The following RELN variants were observed in gnomAD, a reference collection of about 807,000 sequenced individuals.
RELN encodes reelin.
A neutral mutation model predicts 427.6 loss-of-function variants in RELN; 108 were observed. That is an observed-to-expected ratio of 0.25 (90% CI 0.22 to 0.30). RELN has a LOEUF of 0.30. Among genes scored for constraint, RELN ranks in the 10% least tolerant of loss-of-function variants. The pLI, the probability that RELN is intolerant of heterozygous loss-of-function variation, is 1.00. For synonymous variants in RELN, 1,524 were observed against 1,513.4 expected, an observed-to-expected ratio of 1.01 and a Z score of -0.16; for missense variants, 3,715 against 4,302.8, an observed-to-expected ratio of 0.86 and a Z score of 3.82.
intron 2 of RELN, among the ~76,000 whole-genome samples, chr7:103,893,946 T>A (rs1167177637): frequency 5.3e-5 from 8 of 152,154 alleles, no homozygotes; most frequent in Admixed American, 2.6e-4. Context: ...TTCTCCTTCC[T>A]GTGTTCCTTG....
At chr7:103,911,920 G>T (rs1426552128) in intron 2 of RELN, among the ~76,000 whole-genome samples, 187 of 148,718 alleles carry the variant, frequency 1.3e-3, no homozygotes, top group African/African-American at 4.4e-3. Flanking sequence ...CGAGTTAGTG[G>T]GTGCAGCGCA....
chr7:103,667,270 T>G (rs899010847), intron 11 of RELN, among the ~76,000 whole-genome samples: 1 of 152,208 alleles, frequency 6.6e-6, no homozygotes, highest in South Asian at 2.1e-4. Context: ...AGGCTCTCAT[T>G]TAATTATGTC....
In RELN at chr7:103,698,071, T is replaced by A. The variant is rs1436557499; in HGVS notation, c.925A>T (p.Ile309Phe). The change falls in exon 10 of 65, where the codon ATC becomes TTC. Residue 309 changes from isoleucine to phenylalanine, a missense_variant. Physicochemically the swap from Ile to Phe is conservative, Grantham distance 21. Coordinates refer to ENST00000428762, the MANE Select transcript of RELN (RefSeq NM_005045.4). The stretch of plus-strand genomic sequence containing the variant: ...TCAGGAAGGTAGAGGATATGGATGA[T>A]TGTGCTGACATTGGAAGGGGCTCTG... ...KIRAPSNVST[I>F]IHILYLPEDA... 1.9e-6 allele frequency: 3 copies of A among 1,613,648 alleles called. No individual in the cohort carries two copies. Among genetic ancestry groups the A allele is most frequent in the East Asian group, 2.2e-5 (1 of 44,876 alleles).
chr7:103,621,408 T>C (rs1358779000), intron 20 of RELN, among the ~76,000 whole-genome samples: 2 of 152,220 alleles, frequency 1.3e-5, no homozygotes, highest in Admixed American at 1.3e-4. Flanking sequence ...TTTCTTCTCA[T>C]ATTTTTTAGA....
intron 1 of RELN, among the ~76,000 whole-genome samples, chr7:103,945,955 C>A (rs561915385): frequency 1.3e-5 from 2 of 152,242 alleles, no homozygotes; most frequent in African/African-American, 4.8e-5. Flanking sequence ...TTTGTAAGTG[C>A]CGTACACTCT....
intron 2 of RELN, among the ~76,000 whole-genome samples, chr7:103,837,813 G>A (rs1350380466): frequency 6.6e-6 from 1 of 152,068 alleles, no homozygotes; most frequent in Admixed American, 6.6e-5. Flanking sequence ...GTGGGACACC[G>A]CTTTTAATCT....
Position 103,682,142 on chromosome 7 carries a change from T to C in RELN, c.1263A>G (p.Ser421=). Residue 421 remains serine (S), a synonymous_variant, in exon 11 of 65, where the codon TCA becomes TCG. Coordinates refer to ENST00000428762, the MANE Select transcript of RELN (RefSeq NM_005045.4). ...LSTEDIQEQW[S]EEFESQPTGW... ...CTGTAGGCTGGCTCTCAAATTCTTCTGACCATTGCTCTTGAATATCTTCTG... is the reference window on the plus strand; with the variant it reads ...CTGTAGGCTGGCTCTCAAATTCTTCCGACCATTGCTCTTGAATATCTTCTG... The C allele has an allele frequency of 6.2e-7, 1 of 1,614,028 alleles. No homozygotes were observed. Among genetic ancestry groups the C allele is most frequent in the Non-Finnish European group, 8.5e-7 (1 of 1,179,916 alleles).
rs28461370 is a variant in RELN at position 103,898,330 on chromosome 7, T to G, written c.337+18745A>C. Among the ~76,000 whole-genome samples, 894 of 152,232 alleles carry G rather than the reference T, an allele frequency of 5.9e-3. 10 individuals carry two copies. Among genetic ancestry groups the G allele is most frequent in the African/African-American group, 0.021 (864 of 41,560 alleles). On this transcript the variant is annotated intron_variant, in intron 2 of 64. Transcript: ENST00000428762. ...AGTATACTAGTCCTTGCTCTTAATA[T>G]GATAACTTATTTAATCATTTCCCTA... is the stretch of plus-strand genomic sequence containing the variant.
intron 60 of RELN, among the ~76,000 whole-genome samples, chr7:103,486,640 C>G (rs531436137): frequency 6.6e-6 from 1 of 150,960 alleles, no homozygotes; most frequent in African/African-American, 2.4e-5. Context: ...ATGTGGCCAA[C>G]AAACATATGA....
intron 20 of RELN, among the ~76,000 whole-genome samples, chr7:103,614,113 G>T (rs1308905501): frequency 6.6e-6 from 1 of 152,106 alleles, no homozygotes; most frequent in African/African-American, 2.4e-5. Flanking sequence ...AAGACACCAA[G>T]AAAGAAACAA....
chr7:103,833,303 T>G (rs1793320119), intron 3 of RELN, among the ~76,000 whole-genome samples: 1 of 152,196 alleles, frequency 6.6e-6, no homozygotes, highest in Non-Finnish European at 1.5e-5. Context: ...ATTCTGTATT[T>G]TTGTCAGCTA....
chr7:103,499,885 A>C (rs1261130940), intron 53 of RELN, among the ~76,000 whole-genome samples: 1 of 152,236 alleles, frequency 6.6e-6, no homozygotes, highest in Admixed American at 6.5e-5. Context: ...TACCTGTGGT[A>C]TATAAAGCTT....
Position 103,626,010 on chromosome 7 carries a change from GAATGGGATGAAAGACAAA to G in RELN, c.2702+3912_2702+3929del, listed in dbSNP as rs1832322067. Among the ~76,000 whole-genome samples the G allele has an allele frequency of 1.3e-5, 2 of 152,160 alleles. No homozygotes were observed. The highest frequency in any genetic ancestry group is 4.2e-4 in the South Asian group (2 of 4,818). On this transcript the variant is annotated intron_variant, in intron 20 of 64. Transcript: ENST00000428762. This position sits in a 1 kb window ranked among gnomAD's most constrained non-coding sequence, Gnocchi z 4.4. Reference sequence around the variant, plus strand: ...AGGGTTAGGGATGGCACTAGCTCATGAATGGGATGAAAGACAAAGATGGGATGAATGGGTAGAAATTCT... The same window carrying G: ...AGGGTTAGGGATGGCACTAGCTCATGGATGGGATGAATGGGTAGAAATTCT...
chr7:103,741,794 A>AT (rs113204737), intron 6 of RELN, among the ~76,000 whole-genome samples: 33,194 of 152,026 alleles, frequency 0.22, 4,791 homozygotes, highest in African/African-American at 0.41. Context: ...TGCTGCAAGA[A>AT]GATATTTGAG....
intron 8 of RELN, among the ~76,000 whole-genome samples, chr7:103,716,319 G>A (rs892377594): frequency 1.3e-5 from 2 of 151,944 alleles, no homozygotes; most frequent in Admixed American, 6.6e-5. Context: ...CTTCTCCCAC[G>A]TGGACTCTCT....
At chr7:103,894,986 T>A (rs1214118758) in intron 2 of RELN, among the ~76,000 whole-genome samples, 1 of 152,134 alleles carries the variant, frequency 6.6e-6, no homozygotes, top group Admixed American at 6.6e-5. Flanking sequence ...ATAATGTGTA[T>A]ATTTATTTTT....
In RELN at chr7:103,988,085, G is replaced by A. The variant is rs1165262100; in HGVS notation, c.226+1046C>T. On this transcript the variant is annotated intron_variant, in intron 1 of 64. Transcript: ENST00000428762. This position sits in a 1 kb window ranked among gnomAD's most constrained non-coding sequence, Gnocchi z 4.9. ...TATTAGAGATAGAAACTATTAACAG[G>A]AGCCTACTGGACAATGGTTTCTATT... 6.6e-6 allele frequency among the ~76,000 whole-genome samples: 1 copy of A among 152,098 alleles called. No homozygotes were observed. The highest frequency in any genetic ancestry group is 1.5e-5 in the Non-Finnish European group (1 of 68,020).
At position 103,906,456 on chromosome 7, in the gene RELN, C is replaced by T. The variant is rs140859652; in HGVS notation, c.337+10619G>A. 1.8e-3 allele frequency among the ~76,000 whole-genome samples: 281 copies of T among 152,162 alleles called. 1 individual carries two copies. Among genetic ancestry groups the T allele is most frequent in the African/African-American group, 6.2e-3 (259 of 41,486 alleles). ...AGCTATGTTTATGATTTCTTAGAAT[C>T]CCCAAATATCTAAGCCTGATGAAAA... is the stretch of plus-strand genomic sequence containing the variant. On this transcript the variant is annotated intron_variant, in intron 2 of 64. Transcript: ENST00000428762.
At chr7:103,608,296 A>G (rs945223433) in intron 22 of RELN, among the ~76,000 whole-genome samples, 1 of 152,232 alleles carries the variant, frequency 6.6e-6, no homozygotes, top group East Asian at 1.9e-4. Context: ...AACAATGACA[A>G]TAACTAGTAG....
Sources: allele counts gnomAD v4.1 joint callset (sites outside exome capture counted in the v4.1 genomes callset), GRCh38; gene constraint gnomAD v4.1.1; non-coding constraint Gnocchi (gnomAD v3.1); transcripts MANE v1.5; gene names NCBI Gene and HGNC (gene_info 2026-07-23, HGNC 2026-07-21).